Variants in ASB3 observed in about 807,000 individuals in gnomAD.
ASB3 encodes the protein ankyrin repeat and SOCS box containing 3.
Under a neutral mutation model 54.5 loss-of-function variants are expected in ASB3, and 41 were observed. The ratio of observed to expected loss-of-function variants is 0.75; its 90% confidence interval spans 0.59 to 0.98. The LOEUF is 0.98. Among genes scored for constraint, ASB3 ranks in the 50% least tolerant of loss-of-function variants. The probability of loss-of-function intolerance (pLI) is 0.00; values close to 1 mark genes in which losing one functional copy is unlikely to be tolerated. For missense variants in ASB3, 733 were observed against 620.0 expected (o/e 1.18, Z -1.94); for synonymous variants, 266 against 221.2 (o/e 1.20, Z -1.80).
chr2:53,764,620 G>A (rs926237131), intron 2 of ASB3, among the ~76,000 whole-genome samples: 1 of 152,252 alleles, frequency 6.6e-6, no homozygotes, highest in African/African-American at 2.4e-5. Flanking sequence ...ACTCAGTAGT[G>A]TGCTGGTTAA....
intron 5 of ASB3, among the ~76,000 whole-genome samples, chr2:53,726,623 T>C (rs1039616553): frequency 3.3e-5 from 5 of 150,992 alleles, no homozygotes; most frequent in South Asian, 2.1e-4. Context: ...TATACACACA[T>C]ATATATATAC....
chr2:53,677,268 C>T (rs371336762), intron 9 of ASB3, among the ~76,000 whole-genome samples: 107 of 152,288 alleles, frequency 7.0e-4, no homozygotes, highest in African/African-American at 2.5e-3. Context: ...AATATTTGCA[C>T]AATGACAAAA....
intron 3 of ASB3, among the ~76,000 whole-genome samples, chr2:53,731,724 C>T (rs7572776): frequency 0.42 from 63,403 of 151,906 alleles, 13,647 homozygotes; most frequent in East Asian, 0.62. Context: ...GTGATCTCAG[C>T]TCACTACAAC....
chr2:53,711,048 T>G (rs1420012952), intron 7 of ASB3, among the ~76,000 whole-genome samples: 1 of 152,154 alleles, frequency 6.6e-6, no homozygotes, highest in African/African-American at 2.4e-5. Flanking sequence ...GATAATTGCC[T>G]GAGCCCAGGG....
intron 7 of ASB3, among the ~76,000 whole-genome samples, chr2:53,714,116 C>T (rs1305570007): frequency 2.6e-5 from 4 of 152,000 alleles, no homozygotes; most frequent in Admixed American, 1.3e-4. Context: ...CAAATTTCTG[C>T]GTCTACTTAA....
chr2:53,719,175 G>A lies in ASB3; in HGVS notation c.605-2432C>T, dbSNP rs528807069. On this transcript the variant is annotated intron_variant, in intron 5 of 9. Coordinates refer to ENST00000263634, the MANE Select transcript of ASB3 (RefSeq NM_016115.5). ...CTTGACCTCGTGATCCACCCACCTC[G>A]GCCTCCCAAAGTGCTGGGATTACAG... Among the ~76,000 whole-genome samples, 214 of 152,118 alleles carry A rather than the reference G, an allele frequency of 1.4e-3. 2 individuals are homozygous for A. Among genetic ancestry groups the A allele is most frequent in the African/African-American group, 4.6e-3 (191 of 41,510 alleles).
chr2:53,712,575 A>G (rs923925091), intron 7 of ASB3, among the ~76,000 whole-genome samples: 7 of 152,204 alleles, frequency 4.6e-5, no homozygotes, highest in Admixed American at 1.3e-4. Context: ...AAGGAATATC[A>G]TTAATTTTAA....
chr2:53,769,268 C>T (rs1352366204), intron 1 of ASB3, among the ~76,000 whole-genome samples: 1 of 152,150 alleles, frequency 6.6e-6, no homozygotes, highest in Non-Finnish European at 1.5e-5. Context: ...CCCAACACTT[C>T]GGAAGTTTGA....
intron 8 of ASB3, 147 bp downstream of exon 8, chr2:53,700,124 A>G (rs1177789961): frequency 1.1e-5 from 14 of 1,262,364 alleles, no homozygotes; most frequent in South Asian, 1.6e-5. Flanking sequence ...TCTCATTATT[A>G]GCAGCCACCA....
intron 9 of ASB3, among the ~76,000 whole-genome samples, chr2:53,686,665 A>G (rs1279057802): frequency 1.3e-5 from 2 of 152,134 alleles, no homozygotes; most frequent in Non-Finnish European, 2.9e-5. Context: ...GAACATGTAA[A>G]AAAAAACACC....
intron 9 of ASB3, among the ~76,000 whole-genome samples, chr2:53,687,793 T>A (rs1668708301): frequency 6.6e-6 from 1 of 152,192 alleles, no homozygotes; most frequent in East Asian, 1.9e-4. Context: ...TTACCAAGTA[T>A]ATACTGCTCC....
At chr2:53,748,916 C>T (rs1315383008) in intron 3 of ASB3, among the ~76,000 whole-genome samples, 1 of 151,960 alleles carries the variant, frequency 6.6e-6, no homozygotes, top group Non-Finnish European at 1.5e-5. Flanking sequence ...AGATTATGAT[C>T]ATCATATGGT....
intron 3 of ASB3, 139 bp downstream of exon 3, chr2:53,750,644 A>C (rs1672463982): frequency 2.1e-6 from 2 of 973,858 alleles, no homozygotes; most frequent in Non-Finnish European, 2.7e-6. Context: ...TTCAGTTTCA[A>C]AAATCAAGGA....
intron 1 of ASB3, chr2:53,774,111 A>G (rs750189889): frequency 1.3e-6 from 2 of 1,551,894 alleles, no homozygotes; most frequent in Non-Finnish European, 1.7e-6. Context: ...TAGCCTTATA[A>G]TACCAGTGTA....
At chr2:53,708,583 C>G (rs1054874903) in intron 7 of ASB3, among the ~76,000 whole-genome samples, 2 of 152,076 alleles carry the variant, frequency 1.3e-5, no homozygotes, top group Admixed American at 1.3e-4. Flanking sequence ...CTGAAGAAGA[C>G]AGAAAGATGA....
chr2:53,716,452 G>A, intron 6 of ASB3, 114 bp downstream of exon 6: 1 of 1,295,966 alleles, frequency 7.7e-7, no homozygotes, highest in South Asian at 1.6e-5. Context: ...CCAGCAGATT[G>A]GTAGGGAAGA....
At chr2:53,725,703 T>C (rs1302398835) in intron 5 of ASB3, among the ~76,000 whole-genome samples, 2 of 152,156 alleles carry the variant, frequency 1.3e-5, no homozygotes, top group Non-Finnish European at 2.9e-5. Context: ...TGTCTTCTAT[T>C]TAAAAGAATA....
intron 3 of ASB3, among the ~76,000 whole-genome samples, chr2:53,743,104 T>G (rs1430239891): frequency 6.6e-6 from 1 of 152,014 alleles, no homozygotes; most frequent in African/African-American, 2.4e-5. Flanking sequence ...ATTTTGTACC[T>G]GATCAAACTG....
rs1357525613 is a variant in ASB3, at chr2:53,728,706, T to C, written c.604+6A>G. On this transcript the variant is annotated splice_donor_region_variant and intron_variant, in intron 5 of 9. Coordinates refer to ENST00000263634, the MANE Select transcript of ASB3 (RefSeq NM_016115.5). ...TAACAGTACAAAGGCTAATGGATAA[T>C]CTTACCCGATGAAATAAGTATGCTC... 6.3e-7 allele frequency: 1 copy of C among 1,598,230 alleles called. No individual in the cohort carries two copies. Among genetic ancestry groups the C allele is most frequent in the African/African-American group, 1.3e-5 (1 of 74,260 alleles).
Sources: allele counts gnomAD v4.1 joint callset (sites outside exome capture counted in the v4.1 genomes callset), GRCh38; gene constraint gnomAD v4.1.1; transcripts MANE v1.5; gene names NCBI Gene and HGNC (gene_info 2026-07-23, HGNC 2026-07-21).